The following SPECC1 variants were observed in gnomAD, a reference collection of about 807,000 sequenced individuals.
SPECC1 encodes the protein sperm antigen with calponin homology and coiled-coil domains 1.
Under a neutral mutation model 104.1 loss-of-function variants are expected in SPECC1, and 62 were observed. The observed-to-expected ratio is 0.60, with a 90% CI of 0.49 to 0.74. SPECC1 has a LOEUF of 0.74. Ranked by LOEUF, SPECC1 falls within the 30% of genes least tolerant of loss-of-function variation. The pLI is 0.00. For missense variants in SPECC1, 1,306 were observed against 1,310.5 expected (o/e 1.00, Z 0.05); for synonymous variants, 513 against 501.6 (o/e 1.02, Z -0.30).
intron 3 of SPECC1, among the ~76,000 whole-genome samples, chr17:20,141,315 C>T (rs2030771961): frequency 6.6e-6 from 1 of 152,176 alleles, no homozygotes; most frequent in African/African-American, 2.4e-5. Flanking sequence ...GCTCACTGGA[C>T]CTGCTCGCTG....
At chr17:20,202,689 T>TC (rs150823318) in intron 3 of SPECC1, among the ~76,000 whole-genome samples, 1 of 152,280 alleles carries the variant, frequency 6.6e-6, no homozygotes, top group East Asian at 1.9e-4. Context: ...TGTTAACTGT[T>TC]TATGTTTTCA....
At chr17:20,301,543 T>A (rs2041583535) in intron 13 of SPECC1, among the ~76,000 whole-genome samples, 2 of 152,116 alleles carry the variant, frequency 1.3e-5, no homozygotes, top group South Asian at 4.2e-4. Context: ...GTATAGAAAT[T>A]ATGAGGTGTC....
chr17:20,286,520 T>C (rs1250200798), intron 12 of SPECC1, among the ~76,000 whole-genome samples: 2 of 152,206 alleles, frequency 1.3e-5, no homozygotes, highest in African/African-American at 4.8e-5. Flanking sequence ...CTTTAAGGCC[T>C]GTGCCAGCTC....
At chr17:20,212,228 A>G (rs1001872682) in intron 4 of SPECC1, among the ~76,000 whole-genome samples, 2 of 152,226 alleles carry the variant, frequency 1.3e-5, no homozygotes, top group Admixed American at 6.5e-5. Context: ...TGAACTATGG[A>G]TGATTATCAG....
chr17:20,057,336 G>A (rs2046005468), intron 1 of SPECC1, among the ~76,000 whole-genome samples: 1 of 152,108 alleles, frequency 6.6e-6, no homozygotes, highest in Non-Finnish European at 1.5e-5. Context: ...AGCTACTCGG[G>A]AGGCTGAGGC....
At chr17:20,239,080 A>G (rs1567974918) in intron 7 of SPECC1, 3 of 1,032,788 alleles carry the variant, frequency 2.9e-6, no homozygotes, top group South Asian at 4.6e-5. Context: ...CAGTTTCATT[A>G]GTAGAACAAA....
At chr17:20,064,754 C>G (rs746011551) in intron 1 of SPECC1, among the ~76,000 whole-genome samples, 12 of 152,154 alleles carry the variant, frequency 7.9e-5, no homozygotes, top group South Asian at 2.1e-4. Context: ...AAGCCCTTGC[C>G]TTTATGTTTT....
intron 1 of SPECC1, among the ~76,000 whole-genome samples, chr17:20,020,441 T>A (rs2044328694): frequency 6.6e-6 from 1 of 152,176 alleles, no homozygotes; most frequent in Admixed American, 6.5e-5. Flanking sequence ...GTTCAAGTGA[T>A]TCTCCTGCCT....
chr17:20,264,446 T>C (rs1468662069), intron 12 of SPECC1, among the ~76,000 whole-genome samples: 2 of 148,974 alleles, frequency 1.3e-5, no homozygotes, highest in Admixed American at 6.7e-5. Context: ...TGTGGCTTTT[T>C]TTGGAGACGG....
chr17:20,059,211 T>C (rs915322146), intron 1 of SPECC1, among the ~76,000 whole-genome samples: 2 of 152,018 alleles, frequency 1.3e-5, no homozygotes, highest in Admixed American at 6.6e-5. Context: ...CACTGTAATA[T>C]AGAATCAATG....
At chr17:20,257,021 C>G (rs976895442) in intron 10 of SPECC1, among the ~76,000 whole-genome samples, 3 of 152,304 alleles carry the variant, frequency 2.0e-5, no homozygotes, top group Admixed American at 6.5e-5. Context: ...TCAAGTAGTT[C>G]TTCTTGGTTC....
intron 4 of SPECC1, among the ~76,000 whole-genome samples, chr17:20,222,969 T>G (rs1487360170): frequency 1.3e-5 from 2 of 152,204 alleles, no homozygotes; most frequent in African/African-American, 2.4e-5. Flanking sequence ...GCTTCTAGGA[T>G]CTTTTCATTA....
rs916415250 is a variant in SPECC1 at position 20,314,757 on chromosome 17, G to A, written c.*692G>A. On this transcript the variant is annotated 3_prime_UTR_variant, in exon 15 of 15. Coordinates refer to ENST00000395527, the MANE Select transcript of SPECC1 (RefSeq NM_001243439.2). ...ATTTGTTCCAGGGCAACCTGGAAAC[G>A]TGCGTGCGCACTCAGCCTTTTGGGG... The A allele has an allele frequency of 5.2e-6, 1 of 191,022 alleles. No individual in the cohort carries two copies. Among genetic ancestry groups the A allele is most frequent in the Non-Finnish European group, 9.8e-6 (1 of 101,924 alleles). The allele number at this position is 191,022 out of a possible 1,614,324, so 11.8% of individuals were successfully genotyped here.
intron 3 of SPECC1, among the ~76,000 whole-genome samples, chr17:20,200,835 G>A (rs1371056069): frequency 6.7e-6 from 1 of 149,468 alleles, no homozygotes; most frequent in Non-Finnish European, 1.5e-5. Flanking sequence ...AACAGTTTCT[G>A]AAATGAGGTG....
At chr17:20,238,853 C>A in intron 7 of SPECC1, 1 of 1,044,854 alleles carries the variant, frequency 9.6e-7, no homozygotes, top group East Asian at 5.7e-5. Flanking sequence ...TATCTGTAAG[C>A]ATTTATGAAG....
Position 20,158,113 on chromosome 17 carries a change from G to A in SPECC1, c.284-46220G>A, listed in dbSNP as rs188889448. On this transcript the variant is annotated intron_variant, in intron 3 of 14. Coordinates refer to ENST00000395527, the MANE Select transcript of SPECC1 (RefSeq NM_001243439.2). ...GTTAAAGATGCGTGGGTTTTCAGTC[G>A]GCTTTACCACAGGGACTGGGATGAG... Among the ~76,000 whole-genome samples, 1,155 of 152,248 alleles carry A rather than the reference G, an allele frequency of 7.6e-3. 16 individuals are homozygous for A. Among genetic ancestry groups the A allele is most frequent in the African/African-American group, 0.026 (1,099 of 41,524 alleles).
intron 12 of SPECC1, among the ~76,000 whole-genome samples, chr17:20,288,246 T>G (rs2041026911): frequency 6.6e-6 from 1 of 152,298 alleles, no homozygotes; most frequent in African/African-American, 2.4e-5. Flanking sequence ...GGTGCTGCAG[T>G]GGACATAACG....
rs763244105 is a variant in SPECC1 at position 20,309,815 on chromosome 17, C to CTTTTTTTTTTT, written c.3117+3743_3117+3753dup. 6.8e-5 allele frequency among the ~76,000 whole-genome samples: 7 copies of CTTTTTTTTTTT among 103,354 alleles called. No homozygotes were observed. In the East Asian group the frequency reaches 9.2e-4, roughly 14 times the overall value. 67.8% of individuals were successfully genotyped at this position (103,354 alleles called of 152,430 possible). On this transcript the variant is annotated intron_variant, in intron 14 of 14. Transcript: ENST00000395527. ...GTCTACTGGTTTTCTTTCTCCTTTT[C>CTTTTTTTTTTT]TTTTTTTTTTTTTTTTTTTTGAGAT...
chr17:20,275,093 T>C (rs2040533351), intron 12 of SPECC1, among the ~76,000 whole-genome samples: 1 of 152,110 alleles, frequency 6.6e-6, no homozygotes, highest in South Asian at 2.1e-4. Context: ...CTTTTTAGCT[T>C]TTAATGAGCT....
Sources: allele counts gnomAD v4.1 joint callset (sites outside exome capture counted in the v4.1 genomes callset), GRCh38; gene constraint gnomAD v4.1.1; transcripts MANE v1.5; gene names NCBI Gene and HGNC (gene_info 2026-07-23, HGNC 2026-07-21).